Variants in LMBRD1 observed in about 807,000 individuals in gnomAD.
LMBRD1 encodes the protein LMBR1 domain containing 1, also known as lysosomal cobalamin transport escort protein LMBD1.
A neutral mutation model predicts 74.8 loss-of-function variants in LMBRD1; 64 were observed. The observed-to-expected ratio is 0.86, with a 90% CI of 0.70 to 1.05. The LOEUF (loss-of-function observed/expected upper bound fraction) is 1.05. Ranked by LOEUF, LMBRD1 falls within the 50% of genes least tolerant of loss-of-function variation. The pLI is 0.00. For synonymous variants in LMBRD1, 204 were observed against 216.3 expected (o/e 0.94, Z 0.50); for missense variants, 652 against 645.9 (o/e 1.01, Z -0.10).
chr6:69,717,887 T>C (rs1294065968), intron 8 of LMBRD1, among the ~76,000 whole-genome samples: 2 of 152,038 alleles, frequency 1.3e-5, no homozygotes, highest in African/African-American at 4.8e-5. Context: ...TTTGTAGAGA[T>C]GGGGTTTTGC....
intron 8 of LMBRD1, among the ~76,000 whole-genome samples, chr6:69,718,646 G>C (rs1029962570): frequency 6.6e-6 from 1 of 152,112 alleles, no homozygotes; most frequent in African/African-American, 2.4e-5. Flanking sequence ...AGTGCCAAAG[G>C]GGGAAAGCCT....
At chr6:69,690,710 T>A (rs770834860) in intron 14 of LMBRD1, among the ~76,000 whole-genome samples, 2 of 152,180 alleles carry the variant, frequency 1.3e-5, no homozygotes, top group South Asian at 2.1e-4. Flanking sequence ...ATTTATTGCA[T>A]GCCGTTATCA....
chr6:69,758,403 T>G (rs904860462), intron 3 of LMBRD1, among the ~76,000 whole-genome samples: 1 of 152,206 alleles, frequency 6.6e-6, no homozygotes, highest in African/African-American at 2.4e-5. Flanking sequence ...TCGAGACTGA[T>G]AGTTGCATAT....
At chr6:69,701,833 G>GTATA in intron 10 of LMBRD1, 56 bp downstream of exon 10, 1 of 1,205,628 alleles carries the variant, frequency 8.3e-7, no homozygotes, top group Non-Finnish European at 1.2e-6. Flanking sequence ...GCAACAAAAT[G>GTATA]TATATTATCA....
intron 1 of LMBRD1, 82 bp downstream of exon 1, chr6:69,796,730 GC>G: frequency 5.5e-6 from 7 of 1,280,162 alleles, no homozygotes; most frequent in Non-Finnish European, 7.8e-6. Flanking sequence ...GGTCTCCGGG[GC>G]CCGGAGAGGC....
chr6:69,772,364 T>C (rs993780351), intron 3 of LMBRD1, among the ~76,000 whole-genome samples: 4 of 151,956 alleles, frequency 2.6e-5, no homozygotes, highest in Non-Finnish European at 5.9e-5. Context: ...ACCAAGAACA[T>C]AAGAAGAAAA....
rs765240455 is a variant in LMBRD1, at chr6:69,796,762, C to T, written c.69+51G>A. 8 of 1,569,444 alleles carry T rather than the reference C, an allele frequency of 5.1e-6. No individual in the cohort carries two copies. In the Admixed American group the frequency reaches 1.0e-4, roughly 20 times the overall value. ...GAGGCCAACTGCAGGGCCTGCCCCT[C>T]CCTTCCTCCCCCAGTCCAAACATGG... On this transcript the variant is annotated intron_variant, in intron 1 of 15. Coordinates refer to ENST00000649934, the MANE Select transcript of LMBRD1 (RefSeq NM_018368.4).
chr6:69,723,915 C>T (rs1582089921), intron 7 of LMBRD1, among the ~76,000 whole-genome samples: 1 of 151,564 alleles, frequency 6.6e-6, no homozygotes, highest in Non-Finnish European at 1.5e-5. Flanking sequence ...AACCTTTAGC[C>T]AGACTAAGAA....
chr6:69,736,576 C>T (rs888381670), intron 7 of LMBRD1, among the ~76,000 whole-genome samples: 3 of 152,192 alleles, frequency 2.0e-5, no homozygotes, highest in African/African-American at 7.2e-5. Context: ...TTGACATTGA[C>T]ATTACATACT....
chr6:69,780,992 G>A (rs1269558579), intron 2 of LMBRD1, among the ~76,000 whole-genome samples: 3 of 152,138 alleles, frequency 2.0e-5, no homozygotes, highest in Non-Finnish European at 2.9e-5. Flanking sequence ...GGGAAGAGAA[G>A]GACACATATG....
chr6:69,703,028 G>A (rs1027061877), intron 9 of LMBRD1, among the ~76,000 whole-genome samples: 1 of 152,026 alleles, frequency 6.6e-6, no homozygotes, highest in African/African-American at 2.4e-5. Flanking sequence ...GGGGCTCACT[G>A]GGAAGGAGAG....
At chr6:69,736,571 A>T (rs899622767) in intron 7 of LMBRD1, among the ~76,000 whole-genome samples, 5 of 152,200 alleles carry the variant, frequency 3.3e-5, no homozygotes, top group African/African-American at 1.2e-4. Context: ...AGTTCTTGAC[A>T]TTGACATTAC....
At chr6:69,707,060 T>A (rs1443932562) in intron 9 of LMBRD1, among the ~76,000 whole-genome samples, 2 of 152,196 alleles carry the variant, frequency 1.3e-5, no homozygotes, top group African/African-American at 2.4e-5. Context: ...TTGGCTGGCA[T>A]TCAGTTCCTT....
At chr6:69,705,245 A>G (rs1446548690) in intron 9 of LMBRD1, 4 of 683,136 alleles carry the variant, frequency 5.9e-6, no homozygotes, top group Non-Finnish European at 1.1e-5. Context: ...ACAGAAATGA[A>G]GTAAGACAGA....
At chr6:69,711,900 C>T (rs1766391208) in intron 9 of LMBRD1, among the ~76,000 whole-genome samples, 1 of 152,052 alleles carries the variant, frequency 6.6e-6, no homozygotes, top group African/African-American at 2.4e-5. Context: ...AAACTTGCGT[C>T]ATGGGGGTTG....
intron 9 of LMBRD1, among the ~76,000 whole-genome samples, chr6:69,707,845 A>G (rs953643225): frequency 1.3e-5 from 2 of 152,174 alleles, no homozygotes; most frequent in Non-Finnish European, 2.9e-5. Flanking sequence ...ACCGTTTAAT[A>G]AATACATTGT....
chr6:69,677,495 G>A (rs1416089118), intron 14 of LMBRD1, among the ~76,000 whole-genome samples: 2 of 152,086 alleles, frequency 1.3e-5, no homozygotes, highest in Non-Finnish European at 2.9e-5. Flanking sequence ...TCTATGGTCT[G>A]CCTTGGGAGA....
intron 9 of LMBRD1, among the ~76,000 whole-genome samples, chr6:69,710,771 C>T (rs1000504015): frequency 6.6e-6 from 1 of 152,114 alleles, no homozygotes; most frequent in Non-Finnish European, 1.5e-5. Context: ...CTGTGAGATG[C>T]TACTGCATAT....
chr6:69,768,657 C>T (rs1765519129), intron 3 of LMBRD1, among the ~76,000 whole-genome samples: 1 of 151,782 alleles, frequency 6.6e-6, no homozygotes, highest in South Asian at 2.1e-4. Context: ...AAACATTAAC[C>T]ATTATAATTT....
Sources: gnomAD v4.1 joint callset for allele counts (sites outside exome capture counted in the v4.1 genomes callset) on GRCh38, gnomAD v4.1.1 for gene constraint, MANE v1.5 for transcripts, NCBI Gene and HGNC (gene_info 2026-07-23, HGNC 2026-07-21) for gene names.